CEP63: variants seen among roughly 807,000 people sequenced by gnomAD.
The protein encoded by CEP63 is centrosomal protein 63, also known as centrosomal protein of 63 kDa.
CEP63 carries 84 observed loss-of-function variants against 89.1 expected under a neutral mutation model. That is an observed-to-expected ratio of 0.94 (90% CI 0.79 to 1.13). The LOEUF (loss-of-function observed/expected upper bound fraction) is 1.13. Ranked by LOEUF, CEP63 falls within the 50% of genes most tolerant of loss-of-function variation. The pLI is 0.00. For missense variants in CEP63, 838 were observed against 813.3 expected (o/e 1.03, Z -0.37); for synonymous variants, 267 against 272.5 (o/e 0.98, Z 0.20).
intron 5 of CEP63, among the ~76,000 whole-genome samples, chr3:134,534,841 C>G (rs1045321635): frequency 2.0e-5 from 3 of 152,116 alleles, no homozygotes; most frequent in African/African-American, 7.2e-5. Flanking sequence ...TGCTTTTCTC[C>G]TCAAACTCTC....
At chr3:134,507,040 TA>T (rs1230821070) in intron 2 of CEP63, 68 bp from the exon 3 acceptor site, 16 of 1,187,648 alleles carry the variant, frequency 1.3e-5, no homozygotes, top group Non-Finnish European at 1.9e-5. Flanking sequence ...GCTATATTTT[TA>T]CATGAAAAAG....
At chr3:134,653,540 C>A in the CEP63 span, among the ~76,000 whole-genome samples, 1 of 152,156 alleles carries the variant, frequency 6.6e-6, no homozygotes, top group African/African-American at 2.4e-5. Flanking sequence ...AACTCTATTC[C>A]CATCCTTGGC....
chr3:134,498,154 T>G (rs1299290303), intron 2 of CEP63, among the ~76,000 whole-genome samples: 1 of 152,188 alleles, frequency 6.6e-6, no homozygotes, highest in Non-Finnish European at 1.5e-5. Flanking sequence ...TGGATAGATT[T>G]GGATATAATC....
chr3:134,609,139 G>T, the CEP63 span, among the ~76,000 whole-genome samples: 1 of 152,348 alleles, frequency 6.6e-6, no homozygotes, highest in South Asian at 2.1e-4. Context: ...GTTCAAAGGG[G>T]GGAAAGGCAT....
intron 1 of CEP63, among the ~76,000 whole-genome samples, chr3:134,490,347 C>T (rs78112241): frequency 0.016 from 2,470 of 151,668 alleles, 56 homozygotes; most frequent in African/African-American, 0.055. Context: ...AGTTTTTTTT[C>T]CTCATCCTAT....
At chr3:134,727,160 G>C in the CEP63 span, among the ~76,000 whole-genome samples, 2 of 152,090 alleles carry the variant, frequency 1.3e-5, no homozygotes, top group Non-Finnish European at 2.9e-5. Flanking sequence ...GTTCTGCTTA[G>C]AACACCAAGC....
the CEP63 span, among the ~76,000 whole-genome samples, chr3:134,614,870 G>T: frequency 7.2e-5 from 11 of 152,256 alleles, no homozygotes; most frequent in African/African-American, 2.6e-4. Context: ...GGCTCTGACC[G>T]CAGTAGACTT....
intron 11 of CEP63, among the ~76,000 whole-genome samples, chr3:134,551,596 G>A (rs920999205): frequency 1.3e-5 from 2 of 151,824 alleles, no homozygotes; most frequent in African/African-American, 4.8e-5. Context: ...GAATGGGTAG[G>A]GATTTAAGGG....
chr3:134,642,931 C>T, the CEP63 span, among the ~76,000 whole-genome samples: 1 of 152,176 alleles, frequency 6.6e-6, no homozygotes, highest in Admixed American at 6.5e-5. Flanking sequence ...GAGTACCTGT[C>T]AAACAGGGTT....
the CEP63 span, among the ~76,000 whole-genome samples, chr3:134,757,133 G>A: frequency 6.6e-6 from 1 of 152,160 alleles, no homozygotes; most frequent in Non-Finnish European, 1.5e-5. Context: ...TGAAGGACCA[G>A]CTGCTTACCC....
intron 3 of CEP63, among the ~76,000 whole-genome samples, chr3:134,520,137 A>C (rs550054864): frequency 4.6e-5 from 7 of 152,288 alleles, no homozygotes; most frequent in African/African-American, 1.7e-4. Flanking sequence ...AGAGGAAGAA[A>C]TACCACTGCA....
chr3:134,543,320 C>T (rs1055610525), intron 6 of CEP63, among the ~76,000 whole-genome samples: 7 of 152,180 alleles, frequency 4.6e-5, no homozygotes, highest in Middle Eastern at 3.4e-3. Flanking sequence ...GCAATATCCG[C>T]GTGTGGGTGA....
chr3:134,509,433 G>A (rs1357348280), intron 3 of CEP63, among the ~76,000 whole-genome samples: 1 of 152,186 alleles, frequency 6.6e-6, no homozygotes, highest in Admixed American at 6.5e-5. Context: ...TTCCACATGA[G>A]ATTTGAGCAG....
chr3:134,771,232 A>G, the CEP63 span, among the ~76,000 whole-genome samples: 1 of 152,168 alleles, frequency 6.6e-6, no homozygotes, highest in Non-Finnish European at 1.5e-5. Context: ...GAGTGGGGGT[A>G]GAAGGACTGA....
intron 5 of CEP63, 40 bp downstream of exon 5, chr3:134,532,940 C>A: frequency 6.2e-7 from 1 of 1,608,184 alleles, no homozygotes; most frequent in Non-Finnish European, 8.5e-7. Flanking sequence ...TGATTGTCAG[C>A]CTTCACGTAG....
chr3:134,525,412 G>A (rs1948438726), intron 3 of CEP63, among the ~76,000 whole-genome samples: 1 of 152,052 alleles, frequency 6.6e-6, no homozygotes, highest in Non-Finnish European at 1.5e-5. Context: ...CTTCTGCTAT[G>A]TATGTCACTG....
chr3:134,566,229 C>T (rs1307766066), downstream of CEP63, among the ~76,000 whole-genome samples: 3 of 151,862 alleles, frequency 2.0e-5, no homozygotes, highest in Non-Finnish European at 4.4e-5. Flanking sequence ...GTCAGAAGAA[C>T]TTTTGCACTC....
the CEP63 span, among the ~76,000 whole-genome samples, chr3:134,665,195 C>T: frequency 1.7e-4 from 25 of 150,778 alleles, no homozygotes; most frequent in Non-Finnish European, 2.4e-4. Context: ...GGGTCCAGGG[C>T]ATCTACACTG....
the CEP63 span, among the ~76,000 whole-genome samples, chr3:134,616,805 G>T: frequency 2.0e-5 from 3 of 152,100 alleles, no homozygotes; most frequent in Non-Finnish European, 4.4e-5. Flanking sequence ...CAGAGCAAAA[G>T]GACTCCAATC....
Sources: gnomAD v4.1 joint callset for allele counts (sites outside exome capture counted in the v4.1 genomes callset) on GRCh38, gnomAD v4.1.1 for gene constraint, MANE v1.5 for transcripts, NCBI Gene and HGNC (gene_info 2026-07-23, HGNC 2026-07-21) for gene names.